GOSR2: variants seen among roughly 807,000 people sequenced by gnomAD.
GOSR2 encodes the protein 27 kDa Golgi SNARE protein.
In GOSR2, 20 loss-of-function variants were observed where a neutral mutation model predicts 27.9. The ratio of observed to expected loss-of-function variants is 0.72; its 90% CI spans 0.50 to 1.04. The LOEUF (loss-of-function observed/expected upper bound fraction) is 1.04. GOSR2 is among the 50% of genes least tolerant of loss of function. GOSR2 has a pLI of 0.00. For missense variants in GOSR2, 261 were observed against 270.5 expected (o/e 0.97, Z 0.25); for synonymous variants, 91 against 98.8 (o/e 0.92, Z 0.47).
At position 46,939,598 on chromosome 17, in the gene GOSR2, A is replaced by G. The variant is rs891983328; in HGVS notation, c.*838A>G. The stretch of plus-strand genomic sequence containing the variant: ...CAAAGATTTGTGATTTTCCAATTAC[A>G]GTCTCAGCTCTAGTTTTAGTATCTC... On this transcript the variant is annotated 3_prime_UTR_variant, in exon 6 of 6. Coordinates refer to ENST00000640051, the MANE Select transcript of GOSR2 (RefSeq NM_004287.5). The G allele has an allele frequency of 1.0e-6, 1 of 985,442 alleles. No homozygotes were observed. The highest frequency in any genetic ancestry group is 1.2e-6 in the Non-Finnish European group (1 of 830,016). The allele number at this position is 985,442 out of a possible 1,614,324, so 61.0% of individuals were successfully genotyped here.
chr17:46,925,417 C>T (rs144897479), intron 1 of GOSR2, among the ~76,000 whole-genome samples: 3 of 152,304 alleles, frequency 2.0e-5, no homozygotes, highest in African/African-American at 7.2e-5. Context: ...GCCCTGCCCT[C>T]GAGGAGTTTA....
At chr17:46,967,520 C>T (rs940598500), downstream of GOSR2, among the ~76,000 whole-genome samples, 5 of 151,892 alleles carry the variant, frequency 3.3e-5, no homozygotes, top group African/African-American at 1.2e-4. Context: ...TCTCAAAGGG[C>T]GAAGAGAAGG....
intron 5 of GOSR2, chr17:46,937,406 A>T (rs1359129253): frequency 6.6e-6 from 1 of 152,218 alleles, no homozygotes; most frequent in African/African-American, 2.4e-5. Context: ...CCTTCTTTTT[A>T]TAGTATAAAA....
At chr17:46,936,525 A>G in intron 5 of GOSR2, 1 of 985,488 alleles carries the variant, frequency 1.0e-6, no homozygotes, top group Non-Finnish European at 1.2e-6. Flanking sequence ...CCTGCCTCAC[A>G]CCCTGCCTCC....
At position 46,939,534 on chromosome 17, in the gene GOSR2, G is replaced by T; in HGVS notation, c.*774G>T. On this transcript the variant is annotated 3_prime_UTR_variant, in exon 6 of 6. Coordinates refer to ENST00000640051, the MANE Select transcript of GOSR2 (RefSeq NM_004287.5). ...GACTGTGGCTTGGCACCTGCGCCCAGGCTTTGTGGGCCTTTGCCCCTTAGA... is the reference window on the plus strand; with the variant it reads ...GACTGTGGCTTGGCACCTGCGCCCATGCTTTGTGGGCCTTTGCCCCTTAGA... 1.0e-6 allele frequency: 1 copy of T among 985,684 alleles called. No individual in the cohort carries two copies. Among genetic ancestry groups the T allele is most frequent in the Non-Finnish European group, 1.2e-6 (1 of 830,116 alleles). The allele number at this position is 985,684 out of a possible 1,614,324, so 61.1% of individuals were successfully genotyped here.
intron 6 of GOSR2, among the ~76,000 whole-genome samples, chr17:46,973,816 CG>C (rs766587545): frequency 0.017 from 2,535 of 146,354 alleles, 26 homozygotes; most frequent in Non-Finnish European, 0.028. Flanking sequence ...TGCATGCGTG[CG>C]ACACATGTGT....
At chr17:46,965,779 T>C (rs1357087319) in intron 6 of GOSR2, among the ~76,000 whole-genome samples, 1 of 151,538 alleles carries the variant, frequency 6.6e-6, no homozygotes, top group Non-Finnish European at 1.5e-5. Context: ...CACAGCACCA[T>C]GCCCAGCTAA....
chr17:46,975,685 G>A (rs1478766840), downstream of GOSR2, among the ~76,000 whole-genome samples: 1 of 152,128 alleles, frequency 6.6e-6, no homozygotes, highest in Non-Finnish European at 1.5e-5. Flanking sequence ...GCTTGTGTGA[G>A]CATACACTCA....
downstream of GOSR2, among the ~76,000 whole-genome samples, chr17:46,942,243 G>C (rs963306248): frequency 6.6e-6 from 1 of 152,186 alleles, no homozygotes; most frequent in Non-Finnish European, 1.5e-5. Flanking sequence ...TCTCAACCGG[G>C]GGGTGACATT....
At chr17:46,936,508 C>T (rs1460183312) in intron 5 of GOSR2, 2 of 985,382 alleles carry the variant, frequency 2.0e-6, no homozygotes, top group African/African-American at 1.7e-5. Flanking sequence ...TCTCTTGATT[C>T]CCTCCACCTG....
At chr17:46,925,821 C>T (rs60926216) in intron 1 of GOSR2, among the ~76,000 whole-genome samples, 2,493 of 152,280 alleles carry the variant, frequency 0.016, 77 homozygotes, top group Admixed American at 0.069. Flanking sequence ...TACTTGAAAA[C>T]TCCTGAACCT....
chr17:46,938,164 G>A (rs1338263381), intron 5 of GOSR2, among the ~76,000 whole-genome samples: 4 of 152,166 alleles, frequency 2.6e-5, no homozygotes, highest in African/African-American at 9.6e-5. Context: ...CGCCTGGCCT[G>A]TTTGCAGTTT....
chr17:46,940,531 C>A lies in GOSR2; in HGVS notation c.*1771C>A. The A allele has an allele frequency of 6.2e-7, 1 of 1,613,982 alleles. No individual in the cohort carries two copies. Among genetic ancestry groups the A allele is most frequent in the Non-Finnish European group, 8.5e-7 (1 of 1,179,898 alleles). On this transcript the variant is annotated 3_prime_UTR_variant, in exon 6 of 6. Coordinates refer to ENST00000640051, the MANE Select transcript of GOSR2 (RefSeq NM_004287.5). ...CATAAAATGGATTCTGAGACTGCGA[C>A]GGCAAGGCTGTCCTGTCCCCCAGGC...
chr17:46,955,078 A>T (rs916684950), intron 6 of GOSR2, among the ~76,000 whole-genome samples: 1 of 152,208 alleles, frequency 6.6e-6, no homozygotes, highest in African/African-American at 2.4e-5. Flanking sequence ...GAGAGCGGGC[A>T]TCCCTGTCTT....
Position 46,940,085 on chromosome 17 carries a change from C to T in GOSR2, c.*1325C>T. ...TCTTGTTGCTTGAACTGTCTTCTGT[C>T]TTATTTCCCTTCCTTTCTGTGTTCC... On this transcript the variant is annotated 3_prime_UTR_variant, in exon 6 of 6. Coordinates refer to ENST00000640051, the MANE Select transcript of GOSR2 (RefSeq NM_004287.5). The T allele has an allele frequency of 8.8e-7, 1 of 1,132,024 alleles. No individual in the cohort carries two copies. The highest frequency in any genetic ancestry group is 1.1e-6 in the Non-Finnish European group (1 of 920,514). The allele number at this position is 1,132,024 out of a possible 1,614,324, so 70.1% of individuals were successfully genotyped here.
At chr17:46,950,627 G>A (rs1181181426) in intron 6 of GOSR2, among the ~76,000 whole-genome samples, 1 of 152,164 alleles carries the variant, frequency 6.6e-6, no homozygotes. Context: ...CTTAGCGGGG[G>A]AGATGACCCC....
chr17:46,958,932 C>T (rs563236328), intron 6 of GOSR2, among the ~76,000 whole-genome samples: 13 of 152,320 alleles, frequency 8.5e-5, no homozygotes, highest in African/African-American at 2.4e-4. Flanking sequence ...TATTACAAGG[C>T]TGAGTGAATA....
chr17:46,970,679 C>T (rs1793955782), downstream of GOSR2, among the ~76,000 whole-genome samples: 1 of 152,206 alleles, frequency 6.6e-6, no homozygotes, highest in Non-Finnish European at 1.5e-5. Flanking sequence ...AGCCGCTCCA[C>T]TCACGTGGAC....
At chr17:46,935,977 C>T (rs2088261780) in intron 5 of GOSR2, 2 of 985,810 alleles carry the variant, frequency 2.0e-6, no homozygotes, top group Non-Finnish European at 2.4e-6. Flanking sequence ...TGAGCTTTAT[C>T]TTAGTTTTTG....
Sources: gnomAD v4.1 joint callset for allele counts (sites outside exome capture counted in the v4.1 genomes callset) on GRCh38, gnomAD v4.1.1 for gene constraint, MANE v1.5 for transcripts, NCBI Gene and HGNC (gene_info 2026-07-23, HGNC 2026-07-21) for gene names.